The following ULK4 variants were observed in gnomAD, a reference collection of about 807,000 sequenced individuals.
ULK4 encodes inactive serine/threonine-protein kinase ULK4.
Under a neutral mutation model 160.6 loss-of-function variants are expected in ULK4, and 133 were observed. The observed-to-expected ratio is 0.83, with a 90% CI of 0.72 to 0.96. ULK4 has a LOEUF of 0.96. Among genes scored for constraint, ULK4 ranks in the 40% least tolerant of loss-of-function variants. ULK4 has a pLI of 0.00. For synonymous variants in ULK4, 534 were observed against 539.8 expected (o/e 0.99, Z 0.15); for missense variants, 1,580 against 1,499.5 (o/e 1.05, Z -0.89).
At chr3:41,781,491 A>G (rs1428383553) in intron 21 of ULK4, among the ~76,000 whole-genome samples, 1 of 151,866 alleles carries the variant, frequency 6.6e-6, no homozygotes, top group East Asian at 1.9e-4. Context: ...TTTGGTCTTT[A>G]ATGACTTTGT....
At chr3:41,250,166 T>G (rs913185765) in intron 35 of ULK4, among the ~76,000 whole-genome samples, 1 of 152,118 alleles carries the variant, frequency 6.6e-6, no homozygotes, top group African/African-American at 2.4e-5. Context: ...AGGGCTAGAA[T>G]AGGCTCAGGT....
intron 34 of ULK4, among the ~76,000 whole-genome samples, chr3:41,409,984 C>A (rs2082378871): frequency 6.6e-6 from 1 of 151,756 alleles, no homozygotes; most frequent in African/African-American, 2.4e-5. Flanking sequence ...AAATTAAAAC[C>A]ACCATGAGAT....
intron 5 of ULK4, among the ~76,000 whole-genome samples, chr3:41,930,658 C>A (rs1243775559): frequency 6.6e-6 from 1 of 152,062 alleles, no homozygotes; most frequent in Non-Finnish European, 1.5e-5. Flanking sequence ...AAGCAAACAA[C>A]CCCATCAAAA....
chr3:41,731,537 TAAGAC>T (rs925812273), intron 22 of ULK4, among the ~76,000 whole-genome samples: 2 of 152,010 alleles, frequency 1.3e-5, no homozygotes, highest in Non-Finnish European at 2.9e-5. Flanking sequence ...TTGATATTGT[TAAGAC>T]ATCTATACTA....
chr3:41,355,405 A>T (rs891228621), intron 35 of ULK4, among the ~76,000 whole-genome samples: 4 of 152,166 alleles, frequency 2.6e-5, no homozygotes, highest in African/African-American at 9.6e-5. Context: ...TAGATCAATT[A>T]TTGTACCCAT....
chr3:41,529,773 A>G (rs1232957191), intron 32 of ULK4, among the ~76,000 whole-genome samples: 2 of 152,194 alleles, frequency 1.3e-5, no homozygotes, highest in Admixed American at 6.5e-5. Context: ...GACTAGAGGC[A>G]TGAGCCACCA....
At chr3:41,918,405 C>G in intron 7 of ULK4, 52 bp downstream of exon 7, 1 of 1,305,114 alleles carries the variant, frequency 7.7e-7, no homozygotes, top group Non-Finnish European at 1.1e-6. Context: ...AAAGGTACAC[C>G]TTTAATCAGT....
Position 41,246,738 on chromosome 3 carries a change from G to A in ULK4, c.*191C>T. On this transcript the variant is annotated 3_prime_UTR_variant, in exon 37 of 37. Transcript: ENST00000301831. ...GATGCATTCCACAGGAACCAAGGAAGTCCATTCTGAGTCAGTTTTCTAGGC... is the reference window on the plus strand; with the variant it reads ...GATGCATTCCACAGGAACCAAGGAAATCCATTCTGAGTCAGTTTTCTAGGC... 2 of 597,972 alleles carry A rather than the reference G, an allele frequency of 3.3e-6. No homozygotes were observed. 37.0% of individuals were successfully genotyped at this position (597,972 alleles called of 1,614,324 possible).
At chr3:41,656,942 A>G (rs546028227) in intron 30 of ULK4, among the ~76,000 whole-genome samples, 1 of 152,332 alleles carries the variant, frequency 6.6e-6, no homozygotes, top group African/African-American at 2.4e-5. Context: ...TAATGGAAAC[A>G]AGATACTGGA....
intron 32 of ULK4, among the ~76,000 whole-genome samples, chr3:41,557,383 C>T (rs2087337686): frequency 1.3e-5 from 2 of 151,644 alleles, no homozygotes; most frequent in African/African-American, 2.4e-5. Context: ...AAGAAAATCA[C>T]CTAAAAACTA....
At chr3:41,400,511 G>C (rs2082156531) in intron 34 of ULK4, among the ~76,000 whole-genome samples, 1 of 152,106 alleles carries the variant, frequency 6.6e-6, no homozygotes, top group African/African-American at 2.4e-5. Flanking sequence ...TGTATCAATA[G>C]TTCATTTCTT....
chr3:41,619,514 G>A (rs2033140472), intron 30 of ULK4, among the ~76,000 whole-genome samples: 2 of 152,192 alleles, frequency 1.3e-5, no homozygotes, highest in African/African-American at 2.4e-5. Context: ...GCTCCTGAAC[G>A]ACTACTGGGT....
intron 16 of ULK4, among the ~76,000 whole-genome samples, chr3:41,885,031 T>A (rs1697671161): frequency 6.6e-6 from 1 of 152,170 alleles, no homozygotes; most frequent in Non-Finnish European, 1.5e-5. Flanking sequence ...TAATTTTTTT[T>A]ACTTTTTGTA....
At chr3:41,756,630 A>G (rs1276657120) in intron 21 of ULK4, among the ~76,000 whole-genome samples, 1 of 152,198 alleles carries the variant, frequency 6.6e-6, no homozygotes, top group Non-Finnish European at 1.5e-5. Flanking sequence ...GCCTATCTGT[A>G]AGGAAGCTGG....
chr3:41,837,400 C>T (rs1212187080), intron 17 of ULK4, among the ~76,000 whole-genome samples: 2 of 152,124 alleles, frequency 1.3e-5, no homozygotes, highest in African/African-American at 4.8e-5. Flanking sequence ...TCTTTCCTCT[C>T]CTCCCCAGAA....
At chr3:41,925,687 A>G (rs1441989636) in intron 5 of ULK4, among the ~76,000 whole-genome samples, 1 of 152,148 alleles carries the variant, frequency 6.6e-6, no homozygotes, top group East Asian at 1.9e-4. Flanking sequence ...AGCAGTCTGA[A>G]GTTGACCTGG....
rs1698185380 is a variant in ULK4 at position 41,897,057 on chromosome 3, GA to G, written c.1349-55del. 4.1e-6 allele frequency: 6 copies of G among 1,462,484 alleles called. No homozygotes were observed. The South Asian group carries it at 4.9e-5, about 12-fold the overall frequency. The allele number at this position is 1,462,484 out of a possible 1,614,324, so 90.6% of individuals were successfully genotyped here. On this transcript the variant is annotated intron_variant, in intron 14 of 36. Coordinates refer to ENST00000301831, the MANE Select transcript of ULK4 (RefSeq NM_017886.4). The stretch of plus-strand genomic sequence containing the variant: ...CATATGATGAGAAAAAGAACTGCTG[GA>G]AACATTACATAAGAAATAAACACAG...
chr3:41,502,466 A>G (rs1047679502), intron 32 of ULK4, among the ~76,000 whole-genome samples: 1 of 152,244 alleles, frequency 6.6e-6, no homozygotes, highest in African/African-American at 2.4e-5. Context: ...CTCAAGAAAA[A>G]TGAAAACGGA....
intron 32 of ULK4, among the ~76,000 whole-genome samples, chr3:41,493,362 G>T (rs1490355161): frequency 6.9e-6 from 1 of 144,266 alleles, no homozygotes; most frequent in Non-Finnish European, 1.5e-5. Context: ...CAGAAATAAA[G>T]ATGTTCTTTG....
Sources: gnomAD v4.1 joint callset for allele counts (sites outside exome capture counted in the v4.1 genomes callset) on GRCh38, gnomAD v4.1.1 for gene constraint, MANE v1.5 for transcripts, NCBI Gene and HGNC (gene_info 2026-07-23, HGNC 2026-07-21) for gene names.